SEMA6A: variants seen among roughly 807,000 people sequenced by gnomAD.
SEMA6A encodes the protein semaphorin 6A, also known as semaphorin-6A.
In SEMA6A, 25 loss-of-function variants were observed where a neutral mutation model predicts 96.8. That is an observed-to-expected ratio of 0.26 (90% CI 0.19 to 0.36). The LOEUF (loss-of-function observed/expected upper bound fraction) is 0.36, where lower values mean the gene tolerates loss of function less well. Among genes scored for constraint, SEMA6A ranks in the 10% least tolerant of loss-of-function variants. SEMA6A has a pLI of 1.00. For synonymous variants in SEMA6A, 612 were observed against 518.0 expected, an observed-to-expected ratio of 1.18 and a Z score of -2.46; for missense variants, 1,363 against 1,323.1, an observed-to-expected ratio of 1.03 and a Z score of -0.47.
chr5:116,462,759 G>A (rs1755490973), intron 18 of SEMA6A, among the ~76,000 whole-genome samples: 1 of 152,108 alleles, frequency 6.6e-6, no homozygotes, highest in African/African-American at 2.4e-5. Context: ...CAAAGTTCTT[G>A]GTAATAGTTT....
At chr5:116,464,518 G>A (rs572536630) in intron 18 of SEMA6A, among the ~76,000 whole-genome samples, 3 of 152,228 alleles carry the variant, frequency 2.0e-5, no homozygotes, top group East Asian at 3.9e-4. Context: ...CTCTTCTCAC[G>A]CTTTGTTAGT....
chr5:116,548,949 GA>G (rs1760294828), intron 1 of SEMA6A, among the ~76,000 whole-genome samples: 1 of 152,180 alleles, frequency 6.6e-6, no homozygotes, highest in Non-Finnish European at 1.5e-5. Context: ...TGATCTTGTA[GA>G]TAGAGTACTC....
chr5:116,570,350 G>GT (rs1561542366), intron 1 of SEMA6A, among the ~76,000 whole-genome samples: 1 of 152,054 alleles, frequency 6.6e-6, no homozygotes, highest in Admixed American at 6.5e-5. Flanking sequence ...AGAGTGGGGG[G>GT]GGTTCCTGAT....
In SEMA6A at chr5:116,478,697, T is replaced by C; in HGVS notation, c.1272A>G (p.Ala424=). ...GATATGGCCCAGCAGCTGTGTCCAC[T>C]GCAATTTTGGTAAGGCGGTATCTAA... ...TMVRYRLTKI[A]VDTAAGPYQN... is the part of the protein sequence containing the mutation. The change falls in exon 13 of 19, where the codon GCA becomes GCG. Residue 424 remains alanine, a synonymous_variant. Transcript: ENST00000343348. 1 of 1,612,496 alleles carries C rather than the reference T, an allele frequency of 6.2e-7. No homozygotes were observed. Among genetic ancestry groups the C allele is most frequent in the South Asian group, 1.1e-5 (1 of 90,490 alleles).
intron 18 of SEMA6A, among the ~76,000 whole-genome samples, chr5:116,458,005 C>G (rs1265135643): frequency 6.6e-6 from 1 of 152,076 alleles, no homozygotes; most frequent in African/African-American, 2.4e-5. Flanking sequence ...AAGCTATTCT[C>G]AGGAAATTAC....
At chr5:116,493,217 C>CA (rs1293832560) in intron 6 of SEMA6A, among the ~76,000 whole-genome samples, 1 of 152,152 alleles carries the variant, frequency 6.6e-6, no homozygotes, top group African/African-American at 2.4e-5. Context: ...ATTACTGTGC[C>CA]AAGAAAACCT....
At chr5:116,454,877 G>A (rs1754909031) in intron 18 of SEMA6A, among the ~76,000 whole-genome samples, 1 of 152,062 alleles carries the variant, frequency 6.6e-6, no homozygotes, top group Admixed American at 6.6e-5. Context: ...TAGGTACCAG[G>A]AGGGGCCATG....
intron 2 of SEMA6A, among the ~76,000 whole-genome samples, chr5:116,504,023 C>T (rs1758025361): frequency 6.6e-6 from 1 of 152,178 alleles, no homozygotes; most frequent in East Asian, 1.9e-4. Context: ...TCATTTTCTT[C>T]CAACCCAGAA....
intron 1 of SEMA6A, among the ~76,000 whole-genome samples, chr5:116,509,999 T>C (rs1758333567): frequency 6.6e-6 from 1 of 152,124 alleles, no homozygotes; most frequent in South Asian, 2.1e-4. Context: ...CTAGGGATAA[T>C]CAGCGTGTCA....
At chr5:116,487,117 G>C in intron 9 of SEMA6A, 151 bp from the exon 10 acceptor site, 2 of 609,648 alleles carry the variant, frequency 3.3e-6, no homozygotes, top group Non-Finnish European at 2.9e-6. Flanking sequence ...AGAAAGAAAA[G>C]AAAAAAAGAG....
chr5:116,502,566 AGT>A, intron 2 of SEMA6A: 1 of 449,490 alleles, frequency 2.2e-6, no homozygotes, highest in Non-Finnish European at 4.0e-6. Context: ...TATATTTCTA[AGT>A]GTCACAATTT....
At chr5:116,560,538 A>G (rs1760780776) in intron 1 of SEMA6A, among the ~76,000 whole-genome samples, 1 of 151,728 alleles carries the variant, frequency 6.6e-6, no homozygotes, top group Non-Finnish European at 1.5e-5. Context: ...TGTGCCATGC[A>G]GTCTATTTCA....
intron 11 of SEMA6A, among the ~76,000 whole-genome samples, chr5:116,480,706 ACT>A (rs1482864296): frequency 6.8e-6 from 1 of 146,202 alleles, no homozygotes; most frequent in Admixed American, 6.6e-5. Context: ...GAAAGAAAAG[ACT>A]CTCCAAAACT....
At chr5:116,475,127 G>A (rs998116306) in intron 16 of SEMA6A, among the ~76,000 whole-genome samples, 6 of 152,118 alleles carry the variant, frequency 3.9e-5, no homozygotes, top group Non-Finnish European at 2.9e-5. Flanking sequence ...TAGTCGATAT[G>A]TTCAAGAATA....
At chr5:116,502,424 GTGTTTAAGTCAGACCA>G in intron 2 of SEMA6A, 97 bp from the exon 3 acceptor site, 1 of 942,800 alleles carries the variant, frequency 1.1e-6, no homozygotes. Flanking sequence ...AAAGAAACCC[GTGTTTAAGTCAGACCA>G]TGCCACCATT....
intron 18 of SEMA6A, among the ~76,000 whole-genome samples, chr5:116,450,581 C>CTT (rs1332896710): frequency 5.9e-5 from 9 of 152,192 alleles, no homozygotes; most frequent in African/African-American, 2.2e-4. Flanking sequence ...ATGAAAGCTA[C>CTT]TTATTCTTTC....
At chr5:116,473,232 C>A in intron 16 of SEMA6A, 139 bp from the exon 17 acceptor site, 1 of 776,924 alleles carries the variant, frequency 1.3e-6, no homozygotes, top group South Asian at 1.8e-5. Flanking sequence ...TTAATTTCTG[C>A]GTGTAATGTA....
In SEMA6A at chr5:116,447,180, C is replaced by G; in HGVS notation, c.2526G>C (p.Ala842=). The G allele has an allele frequency of 6.2e-7, 1 of 1,614,036 alleles. No individual in the cohort carries two copies. Among genetic ancestry groups the G allele is most frequent in the Admixed American group, 1.7e-5 (1 of 60,036 alleles). ...QPKMSEVAQM[A]LEDQAATLEY... is the part of the protein sequence containing the mutation. The stretch of plus-strand genomic sequence containing the variant: ...CCAGTGTGGCGGCCTGGTCCTCCAG[C>G]GCCATCTGGGCCACCTCGCTCATTT... The change falls in exon 19 of 19, where the codon GCG becomes GCC. Residue 842 remains alanine, a synonymous_variant. Transcript: ENST00000343348.
rs547767633 is a variant in SEMA6A at position 116,523,053 on chromosome 5, A to G, written c.-38-18071T>C. ...CCACTGTGCAAGGATGTGGTCAATG[A>G]GTTTCCTCCATCCCATCCCAGTACC... On this transcript the variant is annotated intron_variant, in intron 1 of 18. Coordinates refer to ENST00000343348, the MANE Select transcript of SEMA6A (RefSeq NM_020796.5). Among the ~76,000 whole-genome samples, 55 of 152,230 alleles carry G rather than the reference A, an allele frequency of 3.6e-4. No homozygotes were observed. In the South Asian group the frequency reaches 0.011, roughly 30 times the overall value.
Sources: gnomAD v4.1 joint callset for allele counts (sites outside exome capture counted in the v4.1 genomes callset) on GRCh38, gnomAD v4.1.1 for gene constraint, MANE v1.5 for transcripts, NCBI Gene and HGNC (gene_info 2026-07-23, HGNC 2026-07-21) for gene names.